The following HS6ST3 variants were observed in gnomAD, a reference collection of about 807,000 sequenced individuals.
HS6ST3 encodes the protein heparan sulfate 6-O-sulfotransferase 3, also known as heparan-sulfate 6-O-sulfotransferase 3.
In HS6ST3, 12 loss-of-function variants were observed where a neutral mutation model predicts 36.7. The observed-to-expected ratio is 0.33, with a 90% CI of 0.21 to 0.53. The LOEUF (loss-of-function observed/expected upper bound fraction) is 0.53, where lower values mean the gene tolerates loss of function less well. HS6ST3 is among the 20% of genes least tolerant of loss of function. The pLI, the probability that HS6ST3 is intolerant of heterozygous loss-of-function variation, is 0.95. For synonymous variants in HS6ST3, 240 were observed against 257.5 expected (o/e 0.93, Z 0.65); for missense variants, 584 against 640.9 (o/e 0.91, Z 0.96).
At chr13:96,224,119 T>C (rs759871565) in intron 1 of HS6ST3, among the ~76,000 whole-genome samples, 1 of 152,128 alleles carries the variant, frequency 6.6e-6, no homozygotes, top group Non-Finnish European at 1.5e-5. Context: ...CTCCTTTCCA[T>C]GTTACCTATG....
At chr13:96,757,171 A>G (rs886779634) in intron 1 of HS6ST3, among the ~76,000 whole-genome samples, 8 of 152,238 alleles carry the variant, frequency 5.3e-5, no homozygotes, top group Admixed American at 2.0e-4. Flanking sequence ...CAGTGAGTCT[A>G]TACAACATAA....
At chr13:96,255,599 CT>C (rs2054633473) in intron 1 of HS6ST3, among the ~76,000 whole-genome samples, 2 of 152,078 alleles carry the variant, frequency 1.3e-5, no homozygotes, top group Admixed American at 6.6e-5. Flanking sequence ...TGGGGCAGGC[CT>C]TCTGGTTGTG....
At chr13:96,781,932 A>C (rs1877537938) in intron 1 of HS6ST3, among the ~76,000 whole-genome samples, 1 of 152,246 alleles carries the variant, frequency 6.6e-6, no homozygotes, top group Non-Finnish European at 1.5e-5. Context: ...TCAGGGACTG[A>C]AACCCTGAAA....
chr13:96,378,127 A>T (rs981361572), intron 1 of HS6ST3, among the ~76,000 whole-genome samples: 1 of 152,158 alleles, frequency 6.6e-6, no homozygotes, highest in African/African-American at 2.4e-5. Context: ...TTTGAAAGTG[A>T]TTGAAGAATG....
intron 1 of HS6ST3, among the ~76,000 whole-genome samples, chr13:96,136,358 C>T (rs1365238412): frequency 6.6e-6 from 1 of 152,122 alleles, no homozygotes; most frequent in African/African-American, 2.4e-5. Flanking sequence ...CCATCTGCTT[C>T]TGGGGAGGCC....
At chr13:96,500,475 G>A (rs76868119) in intron 1 of HS6ST3, among the ~76,000 whole-genome samples, 141 of 152,110 alleles carry the variant, frequency 9.3e-4, no homozygotes, top group African/African-American at 3.1e-3. Flanking sequence ...TTACCATTTC[G>A]TCTGCTATGC....
chr13:96,614,630 T>C (rs1011245326), intron 1 of HS6ST3, among the ~76,000 whole-genome samples: 9 of 152,216 alleles, frequency 5.9e-5, no homozygotes, highest in Admixed American at 3.9e-4. Flanking sequence ...AAGTCCAATT[T>C]ATTACTAGCT....
chr13:96,551,473 A>C (rs889175295), intron 1 of HS6ST3, among the ~76,000 whole-genome samples: 1 of 152,194 alleles, frequency 6.6e-6, no homozygotes, highest in Non-Finnish European at 1.5e-5. Context: ...TGTATTCAAC[A>C]CTGGGATTAT....
chr13:96,182,796 C>G (rs551947124), intron 1 of HS6ST3, among the ~76,000 whole-genome samples: 1 of 152,180 alleles, frequency 6.6e-6, no homozygotes, highest in Admixed American at 6.5e-5. Context: ...ATTTCTGAAG[C>G]CTCTCTTCTG....
At chr13:96,815,935 T>G (rs1420925554) in intron 1 of HS6ST3, among the ~76,000 whole-genome samples, 2 of 152,208 alleles carry the variant, frequency 1.3e-5, no homozygotes, top group African/African-American at 4.8e-5. Flanking sequence ...GTCCATCTCC[T>G]TCAGGGGTCT....
intron 1 of HS6ST3, among the ~76,000 whole-genome samples, chr13:96,691,389 T>C (rs1388141438): frequency 6.6e-6 from 1 of 152,082 alleles, no homozygotes; most frequent in African/African-American, 2.4e-5. Flanking sequence ...CCCTATTGTC[T>C]TTTTTCTTAC....
chr13:96,183,488 A>T (rs1385391002), intron 1 of HS6ST3, among the ~76,000 whole-genome samples: 1 of 152,154 alleles, frequency 6.6e-6, no homozygotes, highest in East Asian at 1.9e-4. Context: ...CCTTCTAATT[A>T]TAACCCTATC....
At position 96,371,843 on chromosome 13, in the gene HS6ST3, C is replaced by T. The variant is rs148434140; in HGVS notation, c.707+280274C>T. Reference sequence around the variant, plus strand: ...GTATTCTATTGCATATATATGTATTCTATCTGTTTATATGTTTATGGGTTT... The same window carrying T: ...GTATTCTATTGCATATATATGTATTTTATCTGTTTATATGTTTATGGGTTT... On this transcript the variant is annotated intron_variant, in intron 1 of 1. Coordinates refer to ENST00000376705, the MANE Select transcript of HS6ST3 (RefSeq NM_153456.4). 1.8e-4 allele frequency among the ~76,000 whole-genome samples: 28 copies of T among 152,154 alleles called. No homozygotes were observed. In the East Asian group the frequency reaches 5.2e-3, roughly 28 times the overall value.
At chr13:96,638,582 T>C (rs1025192921) in intron 1 of HS6ST3, among the ~76,000 whole-genome samples, 16 of 151,932 alleles carry the variant, frequency 1.1e-4, no homozygotes, top group African/African-American at 3.6e-4. Context: ...GACAGCGAGT[T>C]CTCATGAGAT....
intron 1 of HS6ST3, among the ~76,000 whole-genome samples, chr13:96,674,544 G>A (rs2056692778): frequency 6.6e-6 from 1 of 152,032 alleles, no homozygotes; most frequent in Non-Finnish European, 1.5e-5. Context: ...GGGAAGTTAA[G>A]GGGCTAGGAT....
chr13:96,585,535 A>G (rs372849968), intron 1 of HS6ST3, among the ~76,000 whole-genome samples: 1 of 152,146 alleles, frequency 6.6e-6, no homozygotes, highest in African/African-American at 2.4e-5. Context: ...TCACCATGCT[A>G]TATAGTAGAT....
intron 1 of HS6ST3, among the ~76,000 whole-genome samples, chr13:96,239,237 G>A (rs2054548984): frequency 1.3e-5 from 2 of 152,116 alleles, no homozygotes; most frequent in South Asian, 2.1e-4. Flanking sequence ...ATCTATATAC[G>A]CCCAGCGAAT....
intron 1 of HS6ST3, among the ~76,000 whole-genome samples, chr13:96,198,675 A>T (rs776218676): frequency 2.6e-5 from 4 of 152,196 alleles, no homozygotes; most frequent in Non-Finnish European, 4.4e-5. Flanking sequence ...GTTCCCAACA[A>T]GTTCCTCATC....
chr13:96,404,378 G>A (rs2055466802), intron 1 of HS6ST3, among the ~76,000 whole-genome samples: 1 of 152,178 alleles, frequency 6.6e-6, no homozygotes, highest in South Asian at 2.1e-4. Flanking sequence ...TTCTCAAGAG[G>A]CAGATCCTGT....
Sources: gnomAD v4.1 joint callset for allele counts (sites outside exome capture counted in the v4.1 genomes callset) on GRCh38, gnomAD v4.1.1 for gene constraint, MANE v1.5 for transcripts, NCBI Gene and HGNC (gene_info 2026-07-23, HGNC 2026-07-21) for gene names.